LRFN5: variants seen among roughly 807,000 people sequenced by gnomAD.
The protein encoded by LRFN5 is leucine-rich repeat and fibronectin type-III domain-containing protein 5.
A neutral mutation model predicts 45.6 loss-of-function variants in LRFN5; 24 were observed. The ratio of observed to expected loss-of-function variants is 0.53; its 90% CI spans 0.38 to 0.74. LRFN5 has a LOEUF of 0.74. LRFN5 is among the 30% of genes least tolerant of loss of function. The probability of loss-of-function intolerance (pLI) is 0.00; values close to 1 mark genes in which losing one functional copy is unlikely to be tolerated. For missense variants in LRFN5, 776 were observed against 861.5 expected (o/e 0.90, Z 1.24); for synonymous variants, 340 against 313.8 (o/e 1.08, Z -0.88).
At chr14:41,649,783 T>C (rs890696613) in intron 1 of LRFN5, among the ~76,000 whole-genome samples, 9 of 152,314 alleles carry the variant, frequency 5.9e-5, no homozygotes, top group Middle Eastern at 3.4e-3. Flanking sequence ...TTCAATTCAC[T>C]GAACTCCACA....
In LRFN5 at chr14:41,735,336, T is replaced by C. The variant is rs1409472194; in HGVS notation, c.-196-31518T>C. On this transcript the variant is annotated intron_variant, in intron 1 of 5. Transcript: ENST00000298119. ...AGGCAGTAATGCAGTGGCACAATCA[T>C]GGCTCACTGAAGCCTCAAACTCCTG... 6.6e-5 allele frequency among the ~76,000 whole-genome samples: 10 copies of C among 152,256 alleles called. No individual in the cohort carries two copies. In the South Asian group the frequency reaches 1.9e-3, roughly 28 times the overall value.
intron 2 of LRFN5, among the ~76,000 whole-genome samples, chr14:41,846,834 G>T (rs963882028): frequency 6.6e-6 from 1 of 152,052 alleles, no homozygotes; most frequent in Non-Finnish European, 1.5e-5. Context: ...TTTCCTTGCT[G>T]GCTGTCAGGT....
intron 1 of LRFN5, among the ~76,000 whole-genome samples, chr14:41,717,397 A>T (rs1883535690): frequency 6.6e-6 from 1 of 152,188 alleles, no homozygotes; most frequent in African/African-American, 2.4e-5. Context: ...ATGAAAGCTA[A>T]TTTTTTCTAT....
intron 2 of LRFN5, among the ~76,000 whole-genome samples, chr14:41,822,700 T>C (rs1888154527): frequency 6.6e-6 from 1 of 152,066 alleles, no homozygotes; most frequent in Admixed American, 6.6e-5. Context: ...GTTTCCTTGT[T>C]AGTTTTTTGC....
chr14:41,773,406 T>G (rs946104038), intron 2 of LRFN5, among the ~76,000 whole-genome samples: 18 of 152,204 alleles, frequency 1.2e-4, no homozygotes, highest in Non-Finnish European at 5.9e-5. Context: ...TTTTATGTTT[T>G]TTTCTTTAGT....
intron 2 of LRFN5, among the ~76,000 whole-genome samples, chr14:41,813,836 A>G (rs527271184): frequency 9.9e-5 from 15 of 152,140 alleles, no homozygotes; most frequent in Non-Finnish European, 1.2e-4. Flanking sequence ...CTATTTCTCC[A>G]CAACCTCTCC....
At chr14:41,757,735 C>G (rs539113818) in intron 1 of LRFN5, among the ~76,000 whole-genome samples, 1 of 152,192 alleles carries the variant, frequency 6.6e-6, no homozygotes. Flanking sequence ...CCTGCTTTGG[C>G]TCACGCTCGG....
In LRFN5 at chr14:41,880,646, T is replaced by C. The variant is rs145402107; in HGVS notation, c.-20-5960T>C. On this transcript the variant is annotated intron_variant, in intron 2 of 5. Transcript: ENST00000298119. ...TTATAAATTAGGTCAGGTTGGTTGA[T>C]AGTGCTGTGTAAATCTTTTATAGCT... Among the ~76,000 whole-genome samples the C allele has an allele frequency of 6.6e-5, 10 of 152,320 alleles. No homozygotes were observed. In the East Asian group the frequency reaches 1.7e-3, roughly 26 times the overall value.
At chr14:41,779,486 C>T (rs1886408336) in intron 2 of LRFN5, among the ~76,000 whole-genome samples, 1 of 151,858 alleles carries the variant, frequency 6.6e-6, no homozygotes, top group African/African-American at 2.4e-5. Flanking sequence ...ATGCTCTTCA[C>T]ATAGAATGAG....
chr14:41,750,613 G>A (rs1885090873), intron 1 of LRFN5, among the ~76,000 whole-genome samples: 1 of 151,974 alleles, frequency 6.6e-6, no homozygotes, highest in South Asian at 2.1e-4. Context: ...AAAATTATTT[G>A]GCTAATGCAT....
At chr14:41,775,099 T>C (rs865785672) in intron 2 of LRFN5, among the ~76,000 whole-genome samples, 2 of 133,650 alleles carry the variant, frequency 1.5e-5, no homozygotes, top group Non-Finnish European at 3.2e-5. Context: ...TTTTCTTTTT[T>C]TTTTTTTTTG....
chr14:41,614,783 G>C (rs1272344994), intron 1 of LRFN5, among the ~76,000 whole-genome samples: 1 of 152,016 alleles, frequency 6.6e-6, no homozygotes, highest in Admixed American at 6.6e-5. Flanking sequence ...CAGACGGTCT[G>C]GAGGTTTCAG....
At chr14:41,772,061 G>T (rs565976176) in intron 2 of LRFN5, among the ~76,000 whole-genome samples, 1 of 152,294 alleles carries the variant, frequency 6.6e-6, no homozygotes, top group Admixed American at 6.5e-5. Context: ...TACCGTCATG[G>T]CAGAAGGCAA....
At chr14:41,672,308 G>A (rs1881275454) in intron 1 of LRFN5, among the ~76,000 whole-genome samples, 1 of 151,966 alleles carries the variant, frequency 6.6e-6, no homozygotes, top group South Asian at 2.1e-4. Flanking sequence ...AGGTTCCTTT[G>A]TGTCTCGTGT....
intron 1 of LRFN5, among the ~76,000 whole-genome samples, chr14:41,671,617 GTTT>G (rs914212982): frequency 4.5e-4 from 35 of 78,024 alleles, no homozygotes; most frequent in East Asian, 3.1e-3. Flanking sequence ...TTTTTTTTTC[GTTT>G]TTTTTTTTTT....
chr14:41,665,644 G>A (rs1228964088), intron 1 of LRFN5, among the ~76,000 whole-genome samples: 1 of 151,944 alleles, frequency 6.6e-6, no homozygotes, highest in Admixed American at 6.6e-5. Context: ...GTTTAGGTTT[G>A]TGTCTCTTAC....
chr14:41,889,021 ATATATACACATGTATATATACATG>A (rs1566507187), intron 3 of LRFN5, among the ~76,000 whole-genome samples: 3 of 124,874 alleles, frequency 2.4e-5, no homozygotes, highest in African/African-American at 8.5e-5. Context: ...ATGTGTGTGT[ATATATACACATGTATATATACATG>A]TGTGTATATA....
intron 1 of LRFN5, among the ~76,000 whole-genome samples, chr14:41,717,478 G>C (rs1231790669): frequency 2.0e-5 from 3 of 152,210 alleles, no homozygotes; most frequent in Non-Finnish European, 4.4e-5. Flanking sequence ...ACCAGCCTTA[G>C]AGTAAAATTG....
At chr14:41,740,804 G>A (rs954405249) in intron 1 of LRFN5, among the ~76,000 whole-genome samples, 1 of 151,960 alleles carries the variant, frequency 6.6e-6, no homozygotes, top group African/African-American at 2.4e-5. Flanking sequence ...TGCCAATGAG[G>A]TGATTTTTAT....
Sources: gnomAD v4.1 joint callset for allele counts (sites outside exome capture counted in the v4.1 genomes callset) on GRCh38, gnomAD v4.1.1 for gene constraint, MANE v1.5 for transcripts, NCBI Gene and HGNC (gene_info 2026-07-23, HGNC 2026-07-21) for gene names.